XPO6: variants seen among roughly 807,000 people sequenced by gnomAD.
The protein encoded by XPO6 is exportin 6.
Under a neutral mutation model 130.0 loss-of-function variants are expected in XPO6, and 3 were observed. That is an observed-to-expected ratio of 0.02 (90% CI 0.01 to 0.06). XPO6 has a LOEUF of 0.06. Ranked by LOEUF, XPO6 falls within the 10% of genes least tolerant of loss-of-function variation. XPO6 has a pLI of 1.00. For missense variants in XPO6, 970 were observed against 1,393.0 expected, an observed-to-expected ratio of 0.70 and a Z score of 4.83; for synonymous variants, 524 against 548.9, an observed-to-expected ratio of 0.95 and a Z score of 0.63.
intron 6 of XPO6, among the ~76,000 whole-genome samples, chr16:28,158,146 T>G (rs1156300718): frequency 3.3e-5 from 5 of 152,176 alleles, no homozygotes; most frequent in African/African-American, 1.2e-4. Flanking sequence ...ACTTACATAT[T>G]AAAATACATG....
rs755454850 is a variant in XPO6 at position 28,107,569 on chromosome 16, G to C, written c.2450C>G (p.Ser817Cys). 6.2e-7 allele frequency: 1 copy of C among 1,614,220 alleles called. No homozygotes were observed. Among genetic ancestry groups the C allele is most frequent in the Non-Finnish European group, 8.5e-7 (1 of 1,180,036 alleles). Residue 817 changes from serine (S) to cysteine (C), a missense_variant, in exon 18 of 24, where the codon TCT becomes TGT. Coordinates refer to ENST00000304658, the MANE Select transcript of XPO6 (RefSeq NM_015171.4). Reference protein sequence around the residue: ...RQICYQSLQESVQVSLALFPA... With the variant: ...RQICYQSLQECVQVSLALFPA... Reference sequence around the variant, plus strand: ...AAAGAGGGCCAGGGAGACCTGAACAGATTCCTGCAGCGACTGGTAGCAAAT... The same window carrying C: ...AAAGAGGGCCAGGGAGACCTGAACACATTCCTGCAGCGACTGGTAGCAAAT...
chr16:28,153,687 C>T (rs1350226187), intron 7 of XPO6: 1 of 985,276 alleles, frequency 1.0e-6, no homozygotes, highest in Non-Finnish European at 1.2e-6. Flanking sequence ...ATGAGATGGC[C>T]ATACCTTCAT....
At chr16:28,198,539 C>A (rs905386683) in intron 1 of XPO6, among the ~76,000 whole-genome samples, 10 of 151,960 alleles carry the variant, frequency 6.6e-5, no homozygotes, top group African/African-American at 2.4e-4. Context: ...AACAACGGCT[C>A]ACACCTATAA....
chr16:28,134,010 A>G (rs531913179), intron 10 of XPO6, 77 bp from the exon 11 acceptor site: 1 of 1,437,844 alleles, frequency 7.0e-7, no homozygotes, highest in South Asian at 1.2e-5. Context: ...CCACTCTCAG[A>G]CATAAAATTT....
At position 28,118,305 on chromosome 16, in the gene XPO6, A is replaced by C. The variant is rs531639448; in HGVS notation, c.1860-843T>G. On this transcript the variant is annotated intron_variant, in intron 14 of 23. Coordinates refer to ENST00000304658, the MANE Select transcript of XPO6 (RefSeq NM_015171.4). ...TCCTCATTAGTTGGCAGTCTTCTCTAAAAAGAGGCTTTCCCTCCTCTCATC... is the reference window on the plus strand; with the variant it reads ...TCCTCATTAGTTGGCAGTCTTCTCTCAAAAGAGGCTTTCCCTCCTCTCATC... 8.5e-5 allele frequency among the ~76,000 whole-genome samples: 13 copies of C among 152,220 alleles called. No homozygotes were observed. The South Asian group carries it at 2.5e-3, about 29-fold the overall frequency.
chr16:28,174,125 T>G (rs1345386680), intron 4 of XPO6, among the ~76,000 whole-genome samples: 1 of 152,180 alleles, frequency 6.6e-6, no homozygotes, highest in Non-Finnish European at 1.5e-5. Flanking sequence ...TGAAGGCAAG[T>G]GTATTGGACA....
intron 21 of XPO6, among the ~76,000 whole-genome samples, chr16:28,102,972 G>A (rs1165501098): frequency 6.6e-6 from 1 of 152,142 alleles, no homozygotes; most frequent in Non-Finnish European, 1.5e-5. Flanking sequence ...CAGCAGGGAT[G>A]AGATCTCCAT....
intron 2 of XPO6, among the ~76,000 whole-genome samples, chr16:28,180,033 T>C (rs773223970): frequency 1.3e-5 from 2 of 152,168 alleles, no homozygotes; most frequent in Non-Finnish European, 2.9e-5. Context: ...AATTATAATC[T>C]AAAACAAGAC....
intron 23 of XPO6, among the ~76,000 whole-genome samples, chr16:28,099,362 G>C (rs1385193343): frequency 2.0e-5 from 3 of 152,126 alleles, no homozygotes; most frequent in South Asian, 4.1e-4. Flanking sequence ...GCCATGAGCA[G>C]GACCAAGTTC....
chr16:28,112,060 C>G, intron 16 of XPO6, 54 bp from the exon 17 acceptor site: 1 of 1,547,164 alleles, frequency 6.5e-7, no homozygotes, highest in Non-Finnish European at 8.8e-7. Context: ...GACCGTGGTG[C>G]GGCATGCCCA....
chr16:28,188,395 C>T (rs1398091563), intron 1 of XPO6, among the ~76,000 whole-genome samples: 1 of 152,082 alleles, frequency 6.6e-6, no homozygotes, highest in Non-Finnish European at 1.5e-5. Flanking sequence ...AAAATGAGGA[C>T]TAGTATCCCA....
At chr16:28,128,681 A>G (rs1426324089) in intron 12 of XPO6, among the ~76,000 whole-genome samples, 1 of 152,130 alleles carries the variant, frequency 6.6e-6, no homozygotes, top group Non-Finnish European at 1.5e-5. Context: ...TCTGCCCAGC[A>G]CTTCCCCTGC....
chr16:28,099,597 C>T (rs937230641), intron 23 of XPO6, among the ~76,000 whole-genome samples: 1 of 152,236 alleles, frequency 6.6e-6, no homozygotes, highest in African/African-American at 2.4e-5. Flanking sequence ...GAACTGCTCA[C>T]CTTCTGAGCC....
At chr16:28,139,658 G>A (rs245732) in intron 9 of XPO6, among the ~76,000 whole-genome samples, 8,155 of 152,124 alleles carry the variant, frequency 0.054, 560 homozygotes, top group East Asian at 0.17. Context: ...CTATATGGTG[G>A]TAAGGTTTCC....
chr16:28,124,121 A>G (rs28617326), intron 13 of XPO6, among the ~76,000 whole-genome samples: 149,954 of 150,562 alleles, frequency 1, 74,683 homozygotes, highest in Middle Eastern at 1. Flanking sequence ...GCACTGGCGC[A>G]ATCTCAGCTC....
chr16:28,141,734 G>T (rs899090670), intron 9 of XPO6, among the ~76,000 whole-genome samples: 2 of 152,222 alleles, frequency 1.3e-5, no homozygotes, highest in Admixed American at 1.3e-4. Flanking sequence ...GCCGAGGCGG[G>T]TGGATCATGA....
In XPO6 at chr16:28,101,724, C is replaced by A. The variant is rs2086659144; in HGVS notation, c.3046-36G>T. 1.3e-6 allele frequency: 2 copies of A among 1,591,466 alleles called. No homozygotes were observed. Among genetic ancestry groups the A allele is most frequent in the African/African-American group, 1.3e-5 (1 of 74,492 alleles). On this transcript the variant is annotated intron_variant, in intron 22 of 23. Coordinates refer to ENST00000304658, the MANE Select transcript of XPO6 (RefSeq NM_015171.4). This position sits in a 1 kb window ranked among gnomAD's most constrained non-coding sequence, Gnocchi z 5.4. ...AGAGACCAGGTGAGCAGCAGCCAGC[C>A]CCCAGGGGCCTGTCCCGGGTCCCAT...
chr16:28,161,933 T>C (rs1042708305), intron 6 of XPO6, among the ~76,000 whole-genome samples: 2 of 152,234 alleles, frequency 1.3e-5, no homozygotes, highest in African/African-American at 4.8e-5. Flanking sequence ...AAAATATTCC[T>C]AATTGTTCTC....
chr16:28,197,086 T>A (rs767053600), intron 1 of XPO6, among the ~76,000 whole-genome samples: 1 of 152,148 alleles, frequency 6.6e-6, no homozygotes, highest in Admixed American at 6.5e-5. Flanking sequence ...ACCCCGTCTC[T>A]ACTAAAAATA....
Sources: allele counts gnomAD v4.1 joint callset (sites outside exome capture counted in the v4.1 genomes callset), GRCh38; gene constraint gnomAD v4.1.1; non-coding constraint Gnocchi (gnomAD v3.1); transcripts MANE v1.5; gene names NCBI Gene and HGNC (gene_info 2026-07-23, HGNC 2026-07-21).